The following RB1CC1 variants were observed in gnomAD, a reference collection of about 807,000 sequenced individuals.
The protein encoded by RB1CC1 is RB1 inducible coiled-coil 1, also known as RB1-inducible coiled-coil protein 1.
A neutral mutation model predicts 177.5 loss-of-function variants in RB1CC1; 46 were observed. The observed-to-expected ratio is 0.26, with a 90% CI of 0.20 to 0.33. The LOEUF (loss-of-function observed/expected upper bound fraction) is 0.33. Ranked by LOEUF, RB1CC1 falls within the 10% of genes least tolerant of loss-of-function variation. The pLI, the probability that RB1CC1 is intolerant of heterozygous loss-of-function variation, is 1.00. For missense variants in RB1CC1, 1,703 were observed against 1,816.3 expected, an observed-to-expected ratio of 0.94 and a Z score of 1.13; for synonymous variants, 666 against 613.6, an observed-to-expected ratio of 1.09 and a Z score of -1.26.
At chr8:52,659,877 G>A (rs1851460707) in intron 12 of RB1CC1, among the ~76,000 whole-genome samples, 1 of 152,158 alleles carries the variant, frequency 6.6e-6, no homozygotes. Flanking sequence ...GGCACCTCTA[G>A]TCCCAGCTAC....
At chr8:52,707,749 C>T (rs1038105015) in intron 1 of RB1CC1, among the ~76,000 whole-genome samples, 1 of 152,174 alleles carries the variant, frequency 6.6e-6, no homozygotes, top group African/African-American at 2.4e-5. Flanking sequence ...CTCTCTTTGT[C>T]ACCTCCGGTT....
intron 15 of RB1CC1, among the ~76,000 whole-genome samples, chr8:52,652,092 A>G (rs1850642237): frequency 6.6e-6 from 1 of 152,194 alleles, no homozygotes; most frequent in African/African-American, 2.4e-5. Context: ...ATATACTTCA[A>G]TCAAAACTTA....
intron 1 of RB1CC1, among the ~76,000 whole-genome samples, chr8:52,692,518 G>T (rs1411959733): frequency 6.6e-6 from 1 of 152,050 alleles, no homozygotes; most frequent in Non-Finnish European, 1.5e-5. Context: ...GAGAGGTTAA[G>T]AATTATCCGC....
At chr8:52,634,366 T>C (rs930870068) in intron 20 of RB1CC1, among the ~76,000 whole-genome samples, 2 of 151,980 alleles carry the variant, frequency 1.3e-5, no homozygotes, top group African/African-American at 4.8e-5. Flanking sequence ...CTATTAATTA[T>C]GTAAAAATTA....
At chr8:52,660,678 T>C (rs760834087) in intron 11 of RB1CC1, 21 bp from the exon 12 acceptor site, 21 of 1,572,780 alleles carry the variant, frequency 1.3e-5, no homozygotes, top group Non-Finnish European at 1.7e-5. Flanking sequence ...AAATTAACAA[T>C]ATGGTTATTT....
chr8:52,683,668 G>T lies in RB1CC1; in HGVS notation c.250C>A (p.Pro84Thr). 1.2e-6 allele frequency: 2 copies of T among 1,610,492 alleles called. No individual in the cohort carries two copies. The highest frequency in any genetic ancestry group is 1.7e-6 in the Non-Finnish European group (2 of 1,178,342). Residue 84 changes from proline to threonine, a missense_variant, in exon 5 of 24, where the codon CCA becomes ACA. Physicochemically the swap from Pro to Thr is conservative, Grantham distance 38 (BLOSUM62 -1). Coordinates refer to ENST00000025008, the MANE Select transcript of RB1CC1 (RefSeq NM_014781.5). ...FNKEMILCDR[P>T]PAIPKTTFST... is the part of the protein sequence containing the mutation. ...AAGGTAGTTTTAGGAATAGCAGGTGGACGATCACATAAGATCATTTCTTTG... is the reference window on the plus strand; with the variant it reads ...AAGGTAGTTTTAGGAATAGCAGGTGTACGATCACATAAGATCATTTCTTTG...
At position 52,623,580 on chromosome 8, in the gene RB1CC1, A is replaced by G; in HGVS notation, c.*202T>C. The G allele has an allele frequency of 1.7e-6, 1 of 590,388 alleles. No homozygotes were observed. Among genetic ancestry groups the G allele is most frequent in the South Asian group, 1.7e-5 (1 of 59,498 alleles). The allele number at this position is 590,388 out of a possible 1,614,324, so 36.6% of individuals were successfully genotyped here. The stretch of plus-strand genomic sequence containing the variant: ...AAAAAAAAACCAAAAAACAAAAACC[A>G]TTTTAATTCAGCCAAGGATTCTGAT... On this transcript the variant is annotated 3_prime_UTR_variant, in exon 24 of 24. Transcript: ENST00000025008.
Position 52,645,822 on chromosome 8 carries a change from A to C in RB1CC1, c.3867T>G (p.Ala1289=). 6.2e-7 allele frequency: 1 copy of C among 1,610,636 alleles called. No homozygotes were observed. The highest frequency in any genetic ancestry group is 8.5e-7 in the Non-Finnish European group (1 of 1,179,118). The part of the protein sequence containing the change: ...STRGDSSSLV[A]ELQEKLQEEK... ...CTTCCTGAAGCTTTTCTTGAAGTTCAGCAACTAAGCTTGAAGAATCTCCTC... is the reference window on the plus strand; with the variant it reads ...CTTCCTGAAGCTTTTCTTGAAGTTCCGCAACTAAGCTTGAAGAATCTCCTC... Residue 1289 remains alanine, a synonymous_variant, in exon 16 of 24, where the codon GCT becomes GCG. Coordinates refer to ENST00000025008, the MANE Select transcript of RB1CC1 (RefSeq NM_014781.5).
chr8:52,657,471 C>G lies in RB1CC1; in HGVS notation c.2358G>C (p.Glu786Asp), dbSNP rs770385609. 44 of 1,613,636 alleles carry G rather than the reference C, an allele frequency of 2.7e-5. No individual in the cohort carries two copies. The South Asian group carries it at 4.4e-4, about 16-fold the overall frequency. ...TCAGAGAAGTATGATCTCCAAAATC[C>G]TCCTTACCACATACATTTGTATCCT... Reference protein sequence around the residue: ...RMQDTNVCGKEDFGDHTSLNV... With the variant: ...RMQDTNVCGKDDFGDHTSLNV... The change falls in exon 15 of 24, where the codon GAG (glutamate) becomes GAC (aspartate). Residue 786 changes from glutamate to aspartate, a missense_variant. This residue lies in a region of RB1CC1 where 1,169 missense variants were observed against 1,184.7 expected (regional missense o/e 0.99). Coordinates refer to ENST00000025008, the MANE Select transcript of RB1CC1 (RefSeq NM_014781.5).
At position 52,714,415 on chromosome 8, in the gene RB1CC1, T is replaced by A. The variant is rs1857330354; in HGVS notation, c.-507A>T. On this transcript the variant is annotated 5_prime_UTR_variant, in exon 1 of 24. Coordinates refer to ENST00000025008, the MANE Select transcript of RB1CC1 (RefSeq NM_014781.5). ...CAGGGCCGCGGACACCGCCGCGGCT[T>A]GGTTTGTTATTGTCGACTCCGTCTC... 6.6e-6 allele frequency: 1 copy of A among 152,352 alleles called. No individual in the cohort carries two copies. The highest frequency in any genetic ancestry group is 6.5e-5 in the Admixed American group (1 of 15,280). The allele number at this position is 152,352 out of a possible 1,614,324, so 9.4% of individuals were successfully genotyped here.
At chr8:52,695,156 TTC>T (rs1410063345) in intron 1 of RB1CC1, among the ~76,000 whole-genome samples, 6 of 152,210 alleles carry the variant, frequency 3.9e-5, no homozygotes, top group African/African-American at 1.4e-4. Context: ...AAGCAAGATT[TTC>T]GACCTAAGAT....
At chr8:52,627,224 G>GT (rs1373331476) in intron 22 of RB1CC1, among the ~76,000 whole-genome samples, 3 of 151,698 alleles carry the variant, frequency 2.0e-5, no homozygotes, top group Admixed American at 6.6e-5. Flanking sequence ...GCACACGCCT[G>GT]TAATTCCAGC....
At chr8:52,634,060 T>C (rs1341480411) in intron 20 of RB1CC1, among the ~76,000 whole-genome samples, 3 of 152,108 alleles carry the variant, frequency 2.0e-5, no homozygotes, top group Non-Finnish European at 4.4e-5. Flanking sequence ...GAAGCTGCAG[T>C]GAGCCAAGAT....
In RB1CC1 at chr8:52,657,797, C is replaced by A; in HGVS notation, c.2032G>T (p.Asp678Tyr). 1 of 1,613,274 alleles carries A rather than the reference C, an allele frequency of 6.2e-7. No individual in the cohort carries two copies. The highest frequency in any genetic ancestry group is 8.5e-7 in the Non-Finnish European group (1 of 1,179,880). The change falls in exon 15 of 24, where the codon GAT becomes TAT. Residue 678 changes from aspartate to tyrosine, a missense_variant. By Grantham distance (160) the Asp-to-Tyr change is radical. Coordinates refer to ENST00000025008, the MANE Select transcript of RB1CC1 (RefSeq NM_014781.5). ...GGACAAACTGCAGGACATAAGGGAT[C>A]CTGAACAGTCAGTGGTGGAGGAGTT... ...PRTPPPLTVQ[D>Y]PLCPAVCPLE...
intron 1 of RB1CC1, among the ~76,000 whole-genome samples, chr8:52,693,227 CA>C (rs1213223569): frequency 6.6e-6 from 1 of 152,038 alleles, no homozygotes; most frequent in Non-Finnish European, 1.5e-5. Context: ...GGTTTCATGA[CA>C]AAAAAGCCAA....
intron 6 of RB1CC1, among the ~76,000 whole-genome samples, chr8:52,674,645 G>C (rs569865832): frequency 6.6e-6 from 1 of 152,124 alleles, no homozygotes; most frequent in African/African-American, 2.4e-5. Context: ...GCAGGCACCT[G>C]CAATCCCAGC....
chr8:52,626,998 T>G (rs1029139412), intron 22 of RB1CC1, among the ~76,000 whole-genome samples: 2 of 152,138 alleles, frequency 1.3e-5, no homozygotes, highest in Admixed American at 1.3e-4. Flanking sequence ...AAGGCTACAG[T>G]GACCAATGAT....
chr8:52,681,422 G>C (rs889849758), intron 5 of RB1CC1, among the ~76,000 whole-genome samples: 1 of 152,146 alleles, frequency 6.6e-6, no homozygotes, highest in African/African-American at 2.4e-5. Context: ...AGGTAAATGA[G>C]TAAAAGGTCA....
Position 52,714,142 on chromosome 8 carries a change from G to A in RB1CC1, c.-234C>T, listed in dbSNP as rs1857306022. On this transcript the variant is annotated 5_prime_UTR_variant, in exon 1 of 24. Coordinates refer to ENST00000025008, the MANE Select transcript of RB1CC1 (RefSeq NM_014781.5). ...GCGACCCCCGGCACCATCTTCCGCCGCCGCCTAGTCCTCGGCAGCGGTTAC... is the reference window on the plus strand; with the variant it reads ...GCGACCCCCGGCACCATCTTCCGCCACCGCCTAGTCCTCGGCAGCGGTTAC... 5 of 299,768 alleles carry A rather than the reference G, an allele frequency of 1.7e-5. No individual in the cohort carries two copies. The highest frequency in any genetic ancestry group is 4.7e-5 in the South Asian group (2 of 42,212). 18.6% of individuals were successfully genotyped at this position (299,768 alleles called of 1,614,324 possible).
Sources: gnomAD v4.1 joint callset for allele counts (sites outside exome capture counted in the v4.1 genomes callset) on GRCh38, gnomAD v4.1.1 for gene constraint, gnomAD v4.1.1 regional missense constraint, MANE v1.5 for transcripts, NCBI Gene and HGNC (gene_info 2026-07-23, HGNC 2026-07-21) for gene names.